SYNE2: variants seen among roughly 807,000 people sequenced by gnomAD.
SYNE2 encodes the protein spectrin repeat containing nuclear envelope protein 2.
Under a neutral mutation model 856.3 loss-of-function variants are expected in SYNE2, and 431 were observed. The ratio of observed to expected loss-of-function variants is 0.50; its 90% CI spans 0.47 to 0.55. SYNE2 has a LOEUF of 0.55. Ranked by LOEUF, SYNE2 falls within the 20% of genes least tolerant of loss-of-function variation. The pLI is 0.00. For missense variants in SYNE2, 8,129 were observed against 8,023.2 expected (o/e 1.01, Z -0.50); for synonymous variants, 2,923 against 2,872.3 (o/e 1.02, Z -0.56).
chr14:64,094,115 A>T (rs2153631001), intron 61 of SYNE2, among the ~76,000 whole-genome samples: 1 of 152,026 alleles, frequency 6.6e-6, no homozygotes, highest in Non-Finnish European at 1.5e-5. Context: ...GGCAGATCAC[A>T]AGGTCAGGAG....
At chr14:64,042,484 C>A (rs2097156391) in intron 45 of SYNE2, among the ~76,000 whole-genome samples, 1 of 152,184 alleles carries the variant, frequency 6.6e-6, no homozygotes, top group African/African-American at 2.4e-5. Flanking sequence ...CCACCCAAAT[C>A]TCATCCTGAA....
In SYNE2 at chr14:64,216,262, G is replaced by C. The variant is rs140940287; in HGVS notation, c.19417G>C (p.Asp6473His). ...TTTCGTTTCAGGTAAATCCATTTCG[G>C]ATGGCCACTCGTGGCATGTTCCCGA... ...LKASSGKSIS[D>H]GHSWHVPDSP... Residue 6473 changes from aspartate (D) to histidine (H), a missense_variant, in exon 108 of 116, where the codon GAT (aspartate) becomes CAT (histidine). Physicochemically the swap from Asp to His is moderately conservative, Grantham distance 81. Around this residue, in one of 3 missense-constraint regions of SYNE2, gnomAD observed 5,410 missense variants for 5,284.8 expected, o/e 1.02. Coordinates refer to ENST00000555002, the MANE Select transcript of SYNE2 (RefSeq NM_182914.3). 621 of 1,614,146 alleles carry C rather than the reference G, an allele frequency of 3.8e-4. 5 individuals carry two copies. Among genetic ancestry groups the C allele is most frequent in the Middle Eastern group, 3.8e-3 (23 of 6,062 alleles).
intron 99 of SYNE2, 55 bp downstream of exon 99, chr14:64,190,292 T>A: frequency 6.2e-7 from 1 of 1,604,946 alleles, no homozygotes; most frequent in Non-Finnish European, 8.5e-7. Context: ...ACTTTACAGA[T>A]CTAGTAAACT....
intron 85 of SYNE2, among the ~76,000 whole-genome samples, chr14:64,157,408 G>C (rs751902142): frequency 6.6e-6 from 1 of 152,100 alleles, no homozygotes; most frequent in Non-Finnish European, 1.5e-5. Flanking sequence ...CGGTGTTGTA[G>C]TATTTACAGT....
At chr14:63,773,904 T>C (rs901454189) in intron 1 of SYNE2, among the ~76,000 whole-genome samples, 4 of 152,212 alleles carry the variant, frequency 2.6e-5, no homozygotes, top group African/African-American at 2.4e-5. Context: ...GAAATACGAT[T>C]ATATATTTAG....
chr14:63,981,362 T>TTATA (rs34142807), intron 16 of SYNE2, among the ~76,000 whole-genome samples, 189 bp downstream of exon 16: 2 of 151,806 alleles, frequency 1.3e-5, no homozygotes, highest in Non-Finnish European at 2.9e-5. Context: ...CTCCACTGGT[T>TTATA]TATATATACA....
chr14:64,210,117 G>C lies in SYNE2; in HGVS notation c.18716G>C (p.Arg6239Thr). The C allele has an allele frequency of 1.2e-6, 2 of 1,613,480 alleles. No homozygotes were observed. Among genetic ancestry groups the C allele is most frequent in the Non-Finnish European group, 8.5e-7 (1 of 1,179,664 alleles). The change falls in exon 103 of 116, where the codon AGA (arginine) becomes ACA (threonine). Residue 6239 changes from arginine (R) to threonine (T), a missense_variant. Around this residue, in one of 3 missense-constraint regions of SYNE2, gnomAD observed 5,410 missense variants for 5,284.8 expected, o/e 1.02. Coordinates refer to ENST00000555002, the MANE Select transcript of SYNE2 (RefSeq NM_182914.3). Reference protein sequence around the residue: ...LQRRVTAVLRRLRHFTNQREE... With the variant: ...LQRRVTAVLRTLRHFTNQREE... ...AGGCGGGTCACAGCCGTCCTGCGGAGACTCAGGGTGAGCTCCTCTGCACCT... is the reference window on the plus strand; with the variant it reads ...AGGCGGGTCACAGCCGTCCTGCGGACACTCAGGGTGAGCTCCTCTGCACCT...
rs557208470 is a variant in SYNE2 at position 63,927,675 on chromosome 14, C to T, written c.80-12939C>T. On this transcript the variant is annotated intron_variant, in intron 2 of 115. Coordinates refer to ENST00000555002, the MANE Select transcript of SYNE2 (RefSeq NM_182914.3). ...TTGGGAGGCCGAGGAGGACGGATCA[C>T]GAGGTCAGGAGATTGAGACCAGCCT... is the stretch of plus-strand genomic sequence containing the variant. Among the ~76,000 whole-genome samples the T allele has an allele frequency of 1.4e-4, 22 of 152,120 alleles. No individual in the cohort carries two copies. In the South Asian group the frequency reaches 4.2e-3, roughly 29 times the overall value.
At chr14:63,940,059 G>A (rs924991667) in intron 2 of SYNE2, among the ~76,000 whole-genome samples, 3 of 147,030 alleles carry the variant, frequency 2.0e-5, no homozygotes, top group African/African-American at 7.5e-5. Flanking sequence ...GGTGGTATAG[G>A]GTCTCAGTTC....
chr14:63,948,684 A>ATG lies in SYNE2; in HGVS notation c.409-1135_409-1134dup, dbSNP rs1282734908. ...TCAAAAAAAAAAAAATTATATATAT[A>ATG]TGTGTGTATATATATATATATGTAT... On this transcript the variant is annotated intron_variant, in intron 6 of 115. Coordinates refer to ENST00000555002, the MANE Select transcript of SYNE2 (RefSeq NM_182914.3). Among the ~76,000 whole-genome samples, 478 of 133,766 alleles carry ATG rather than the reference A, an allele frequency of 3.6e-3. 10 individuals carry two copies. The highest frequency in any genetic ancestry group is 4.7e-3 in the Non-Finnish European group (296 of 62,990). 87.8% of individuals were successfully genotyped at this position (133,766 alleles called of 152,430 possible). A position where few individuals can be genotyped will look rare whatever the true frequency, so the allele number is the denominator to read the frequency against.
At chr14:63,908,630 C>T (rs147147209) in intron 1 of SYNE2, among the ~76,000 whole-genome samples, 133 of 152,270 alleles carry the variant, frequency 8.7e-4, no homozygotes, top group African/African-American at 3.0e-3. Context: ...GCAAGCTATG[C>T]AGGCTCAGCT....
At chr14:64,066,633 T>TC (rs1472799551) in intron 51 of SYNE2, among the ~76,000 whole-genome samples, 1 of 152,266 alleles carries the variant, frequency 6.6e-6, no homozygotes, top group Non-Finnish European at 1.5e-5. Context: ...GAGGCCTGAC[T>TC]AGTGAATAGT....
rs201452401 is a variant in SYNE2, at chr14:64,158,398, G to T, written c.15793-227G>T. 1.6e-4 allele frequency among the ~76,000 whole-genome samples: 24 copies of T among 152,276 alleles called. No homozygotes were observed. The South Asian group carries it at 5.0e-3, about 32-fold the overall frequency. On this transcript the variant is annotated intron_variant, in intron 85 of 115. Coordinates refer to ENST00000555002, the MANE Select transcript of SYNE2 (RefSeq NM_182914.3). ...TCTCTTCCTAGTCTGAACTCCTTCA[G>T]TGCTGATCCTTCTGATCTTTGGGCT...
At chr14:64,198,717 G>C (rs1255996) in intron 99 of SYNE2, among the ~76,000 whole-genome samples, 1 of 152,158 alleles carries the variant, frequency 6.6e-6, no homozygotes, top group South Asian at 2.1e-4. Flanking sequence ...TGTGAAACCA[G>C]GGCTGAGGAG....
At chr14:63,977,068 C>T (rs1373777746) in intron 12 of SYNE2, among the ~76,000 whole-genome samples, 1 of 151,092 alleles carries the variant, frequency 6.6e-6, no homozygotes, top group African/African-American at 2.4e-5. Flanking sequence ...ACTAAAATGG[C>T]ATGAAAAAAA....
chr14:63,967,441 G>A (rs1378805482), intron 10 of SYNE2, among the ~76,000 whole-genome samples: 1 of 152,134 alleles, frequency 6.6e-6, no homozygotes, highest in Non-Finnish European at 1.5e-5. Context: ...GATCTGTCCT[G>A]TAGCCCAGTG....
chr14:64,213,443 A>G (rs895964704), intron 105 of SYNE2, among the ~76,000 whole-genome samples: 3 of 152,204 alleles, frequency 2.0e-5, no homozygotes, highest in African/African-American at 7.2e-5. Flanking sequence ...AGAAAACACA[A>G]GAGTTTCAAA....
intron 1 of SYNE2, among the ~76,000 whole-genome samples, chr14:63,833,727 C>G (rs1889749833): frequency 6.6e-6 from 1 of 152,250 alleles, no homozygotes; most frequent in African/African-American, 2.4e-5. Flanking sequence ...TACTTTTAAC[C>G]TAATATTTCT....
intron 99 of SYNE2, among the ~76,000 whole-genome samples, chr14:64,196,231 G>T: frequency 6.6e-6 from 1 of 152,144 alleles, no homozygotes; most frequent in East Asian, 1.9e-4. Context: ...CTAAATGTTG[G>T]TCTTTAGGGA....
Sources: gnomAD v4.1 joint callset for allele counts (sites outside exome capture counted in the v4.1 genomes callset) on GRCh38, gnomAD v4.1.1 for gene constraint, gnomAD v4.1.1 regional missense constraint, MANE v1.5 for transcripts, NCBI Gene and HGNC (gene_info 2026-07-23, HGNC 2026-07-21) for gene names.